Variants in SP6 observed in about 807,000 individuals in gnomAD.
SP6 encodes transcription factor Sp6.
In SP6, 10 loss-of-function variants were observed where a neutral mutation model predicts 23.4. That is an observed-to-expected ratio of 0.43 (90% confidence interval 0.26 to 0.72). SP6 has a LOEUF of 0.72. Among genes scored for constraint, SP6 ranks in the 30% least tolerant of loss-of-function variants. SP6 has a pLI of 0.23. For missense variants in SP6, 482 were observed against 523.8 expected (o/e 0.92, Z 0.78); for synonymous variants, 238 against 238.7 (o/e 1.00, Z 0.03).
Position 47,847,656 on chromosome 17 carries a change from G to A in SP6, c.774C>T (p.Ile258=). 1 of 1,612,804 alleles carries A rather than the reference G, an allele frequency of 6.2e-7. No individual in the cohort carries two copies. Among genetic ancestry groups the A allele is most frequent in the Non-Finnish European group, 8.5e-7 (1 of 1,179,666 alleles). ...TGGCGTAGGCTTTCCCGCAGCCCGG[G>A]ATGTGGCAGTTGTGCAAATGCTTCT... ...GKKKHLHNCH[I]PGCGKAYAKT... Residue 258 remains isoleucine, a synonymous_variant, in exon 2 of 2, where the codon ATC becomes ATT. Transcript: ENST00000536300.
At chr17:47,870,886 T>C in the SP6 span, among the ~76,000 whole-genome samples, 2 of 152,192 alleles carry the variant, frequency 1.3e-5, no homozygotes, top group Non-Finnish European at 2.9e-5. Flanking sequence ...ATGGGCTCTA[T>C]AACCTAGAGT....
At chr17:47,862,889 C>T in the SP6 span, among the ~76,000 whole-genome samples, 1 of 152,256 alleles carries the variant, frequency 6.6e-6, no homozygotes, top group African/African-American at 2.4e-5. Context: ...TTGCCTCTTC[C>T]ATCTCTGAGT....
At chr17:47,862,463 G>A in the SP6 span, among the ~76,000 whole-genome samples, 4,547 of 142,568 alleles carry the variant, frequency 0.032, 240 homozygotes, top group African/African-American at 0.12. Context: ...AACTGAGATC[G>A]CAACACTGCA....
Position 47,847,401 on chromosome 17 carries a change from C to T in SP6, c.1029G>A (p.Ala343=), listed in dbSNP as rs1406362932. 4 of 1,613,210 alleles carry T rather than the reference C, an allele frequency of 2.5e-6. No individual in the cohort carries two copies. The highest frequency in any genetic ancestry group is 3.3e-5 in the Admixed American group (2 of 59,996). ...TGCCCTCTCCCGAGGCCGCCCCAGCCGCCTCCTCCTTGGCGCCCTCGTGGG... is the reference window on the plus strand; with the variant it reads ...TGCCCTCTCCCGAGGCCGCCCCAGCTGCCTCCTCCTTGGCGCCCTCGTGGG... The part of the protein sequence containing the change: ...MKTHEGAKEE[A]AGAASGEGKA... Residue 343 remains alanine, a synonymous_variant, in exon 2 of 2, where the codon GCG becomes GCA. Coordinates refer to ENST00000536300, the MANE Select transcript of SP6 (RefSeq NM_001258248.2).
chr17:47,874,470 G>C, the SP6 span, among the ~76,000 whole-genome samples: 1 of 152,162 alleles, frequency 6.6e-6, no homozygotes. Context: ...TATTTGGGAG[G>C]CTGAGGTAGA....
At chr17:47,870,546 G>A in the SP6 span, among the ~76,000 whole-genome samples, 15 of 152,124 alleles carry the variant, frequency 9.9e-5, no homozygotes, top group Non-Finnish European at 1.8e-4. Flanking sequence ...AGTCCTTGGA[G>A]GGGGTGAACA....
chr17:47,846,330 G>T lies in SP6; in HGVS notation c.*969C>A, dbSNP rs1016387595. The T allele has an allele frequency of 6.6e-6, 1 of 152,256 alleles. No homozygotes were observed. Among genetic ancestry groups the T allele is most frequent in the African/African-American group, 2.4e-5 (1 of 41,444 alleles). 9.4% of individuals were successfully genotyped at this position (152,256 alleles called of 1,614,324 possible). ...CCCAATCTGCCCTCAACCAGCCCAA[G>T]AAACCCTCTTCCTTCCATCCCTGAG... is the stretch of plus-strand genomic sequence containing the variant. On this transcript the variant is annotated 3_prime_UTR_variant, in exon 2 of 2. Coordinates refer to ENST00000536300, the MANE Select transcript of SP6 (RefSeq NM_001258248.2).
the SP6 span, among the ~76,000 whole-genome samples, chr17:47,866,508 G>T: frequency 6.6e-6 from 1 of 152,134 alleles, no homozygotes; most frequent in East Asian, 1.9e-4. Context: ...CAAATGGGAG[G>T]GCCAAATACA....
the SP6 span, among the ~76,000 whole-genome samples, chr17:47,870,832 G>A: frequency 1.3e-5 from 2 of 152,110 alleles, no homozygotes; most frequent in Admixed American, 6.5e-5. Flanking sequence ...CTCCTGCGCT[G>A]AACTCAGTGA....
In SP6 at chr17:47,848,247, C is replaced by T. The variant is rs748623954; in HGVS notation, c.183G>A (p.Val61=). The T allele has an allele frequency of 6.2e-7, 1 of 1,611,760 alleles. No individual in the cohort carries two copies. The highest frequency in any genetic ancestry group is 1.7e-4 in the Middle Eastern group (1 of 6,030). ...ELQSLPLGPE[V]DFSQGYELPG... ...GCAGCTCATAGCCCTGCGAGAAGTC[C>T]ACCTCCGGGCCCAGCGGGAGGCTCT... The change falls in exon 2 of 2, where the codon GTG becomes GTA. Residue 61 remains valine (V), a synonymous_variant. Transcript: ENST00000536300. This position sits in a 1 kb window ranked among gnomAD's most constrained non-coding sequence, Gnocchi z 5.3.
chr17:47,854,606 A>G (rs747091628), upstream of SP6, among the ~76,000 whole-genome samples: 16 of 152,186 alleles, frequency 1.1e-4, no homozygotes, highest in Non-Finnish European at 1.9e-4. Context: ...TCTTGAGTCT[A>G]ATGGACAAAC....
rs1044199585 is a variant in SP6 at position 47,850,975 on chromosome 17, C to T, written c.-114G>A. ...GGCTGGTGCGCTACTGACGGTCGCTCATAGGCCCTGTGCGCCGGCGAGCTC... is the reference window on the plus strand; with the variant it reads ...GGCTGGTGCGCTACTGACGGTCGCTTATAGGCCCTGTGCGCCGGCGAGCTC... On this transcript the variant is annotated 5_prime_UTR_variant, in exon 1 of 2. The change abolishes an upstream ATG in the 5' untranslated region. Transcript: ENST00000536300. The T allele has an allele frequency of 9.2e-5, 14 of 152,386 alleles. No homozygotes were observed. The highest frequency in any genetic ancestry group is 2.7e-4 in the African/African-American group (11 of 41,456). The allele number at this position is 152,386 out of a possible 1,614,324, so 9.4% of individuals were successfully genotyped here.
At chr17:47,851,383 C>T (rs1299715811), upstream of SP6, among the ~76,000 whole-genome samples, 1 of 152,118 alleles carries the variant, frequency 6.6e-6, no homozygotes, top group Non-Finnish European at 1.5e-5. Context: ...GAGAGGGGCC[C>T]GGGTGGGGTG....
Position 47,847,277 on chromosome 17 carries a change from CA to C in SP6, c.*21del. The C allele has an allele frequency of 6.7e-7, 1 of 1,487,808 alleles. No individual in the cohort carries two copies. The allele number at this position is 1,487,808 out of a possible 1,614,324, so 92.2% of individuals were successfully genotyped here. A position where few individuals can be genotyped will look rare whatever the true frequency, so the allele number is the denominator to read the frequency against. ...CATCCAGTGCCCCCCGGGATACCCG[CA>C]GGGAGGCGGCACTGAGGAGCTCAGT... On this transcript the variant is annotated 3_prime_UTR_variant, in exon 2 of 2. Coordinates refer to ENST00000536300, the MANE Select transcript of SP6 (RefSeq NM_001258248.2).
the SP6 span, among the ~76,000 whole-genome samples, chr17:47,868,578 G>A: frequency 6.6e-6 from 1 of 152,124 alleles, no homozygotes; most frequent in Non-Finnish European, 1.5e-5. Context: ...CACTCACGAG[G>A]CCCTCACCTA....
the SP6 span, among the ~76,000 whole-genome samples, chr17:47,862,611 T>C: frequency 6.6e-6 from 1 of 151,776 alleles, no homozygotes; most frequent in African/African-American, 2.4e-5. Context: ...TTCCAAGCCA[T>C]GTGCGGATGA....
the SP6 span, among the ~76,000 whole-genome samples, chr17:47,873,023 G>C: frequency 6.6e-6 from 1 of 152,236 alleles, no homozygotes; most frequent in African/African-American, 2.4e-5. Flanking sequence ...TGGCAACCGG[G>C]AGGCTCTCAG....
At chr17:47,855,092 G>A, upstream of SP6, among the ~76,000 whole-genome samples, 1 of 152,136 alleles carries the variant, frequency 6.6e-6, no homozygotes, top group East Asian at 1.9e-4. Flanking sequence ...GCACAATGCT[G>A]GACACTAATT....
chr17:47,849,322 G>T (rs2143652077), intron 1 of SP6, among the ~76,000 whole-genome samples: 1 of 152,288 alleles, frequency 6.6e-6, no homozygotes, highest in East Asian at 1.9e-4. Flanking sequence ...AAGTTGGGAG[G>T]GAATGGCTTC....
Sources: gnomAD v4.1 joint callset for allele counts (sites outside exome capture counted in the v4.1 genomes callset) on GRCh38, gnomAD v4.1.1 for gene constraint, Gnocchi (gnomAD v3.1) non-coding constraint, MANE v1.5 for transcripts, NCBI Gene and HGNC (gene_info 2026-07-23, HGNC 2026-07-21) for gene names.